The following SH3D19 variants were observed in gnomAD, a reference collection of about 807,000 sequenced individuals.
SH3D19 encodes the protein SH3 domain containing 19.
Under a neutral mutation model 112.1 loss-of-function variants are expected in SH3D19, and 58 were observed. That is an observed-to-expected ratio of 0.52 (90% confidence interval 0.42 to 0.64). The LOEUF is 0.64. SH3D19 is among the 30% of genes least tolerant of loss of function. The pLI is 0.00. For missense variants in SH3D19, 1,090 were observed against 1,263.4 expected, an observed-to-expected ratio of 0.86 and a Z score of 2.08; for synonymous variants, 391 against 448.5, an observed-to-expected ratio of 0.87 and a Z score of 1.62.
Position 151,179,142 on chromosome 4 carries a change from T to C in SH3D19, c.236+213A>G, listed in dbSNP as rs147058086. Among the ~76,000 whole-genome samples, 1,470 of 152,330 alleles carry C rather than the reference T, an allele frequency of 9.7e-3. 8 individuals carry two copies. The highest frequency in any genetic ancestry group is 0.02 in the South Asian group (96 of 4,828). On this transcript the variant is annotated intron_variant, in intron 4 of 19. Transcript: ENST00000604030. ...TAAAAAATCAACTTCAATAAATAAC[T>C]ATACTCAAAAGAACATTTTCAAGCC...
At chr4:151,169,290 G>A (rs1316809978) in intron 7 of SH3D19, among the ~76,000 whole-genome samples, 3 of 151,778 alleles carry the variant, frequency 2.0e-5, no homozygotes, top group East Asian at 3.9e-4. Context: ...ACATGTCTCC[G>A]GGAAAAAAAA....
intron 2 of SH3D19, among the ~76,000 whole-genome samples, chr4:151,210,119 T>A (rs1233875309): frequency 6.6e-6 from 1 of 152,146 alleles, no homozygotes; most frequent in African/African-American, 2.4e-5. Context: ...GATAATTTGG[T>A]AGTATATATG....
intron 1 of SH3D19, among the ~76,000 whole-genome samples, chr4:151,256,019 A>G (rs1160373700): frequency 1.8e-3 from 71 of 40,164 alleles, no homozygotes; most frequent in African/African-American, 3.2e-3. Flanking sequence ...AGAGGGGGAG[A>G]GGGAGAGGGA....
chr4:151,285,110 G>A (rs1774621810), intron 1 of SH3D19, among the ~76,000 whole-genome samples: 1 of 152,152 alleles, frequency 6.6e-6, no homozygotes, highest in South Asian at 2.1e-4. Flanking sequence ...AAAAAAAAGA[G>A]TGTCATTCCT....
chr4:151,148,043 T>C lies in SH3D19; in HGVS notation c.1961A>G (p.Gln654Arg), dbSNP rs555539586. The C allele has an allele frequency of 6.2e-7, 1 of 1,614,190 alleles. No homozygotes were observed. The highest frequency in any genetic ancestry group is 1.7e-5 in the Admixed American group (1 of 60,020). The change falls in exon 11 of 20, where the codon CAG becomes CGG. Residue 654 changes from glutamine to arginine, a missense_variant. Transcript: ENST00000604030. Reference sequence around the variant, plus strand: ...AGTTGCCAAGTTACTTTGTTTTTTCTGAAGATCCATGTCAGAAGAGGATCG... The same window carrying C: ...AGTTGCCAAGTTACTTTGTTTTTTCCGAAGATCCATGTCAGAAGAGGATCG... Reference protein sequence around the residue: ...FNRSSSDMDLQKKQSNLATGL... With the variant: ...FNRSSSDMDLRKKQSNLATGL...
chr4:151,275,092 T>G (rs1359690241), intron 1 of SH3D19, among the ~76,000 whole-genome samples: 1 of 49,616 alleles, frequency 2.0e-5, no homozygotes, highest in Non-Finnish European at 5.2e-5. Flanking sequence ...TCAAGATACG[T>G]TTTTTTTTTT....
intron 1 of SH3D19, among the ~76,000 whole-genome samples, chr4:151,313,219 G>T: frequency 6.6e-6 from 1 of 152,126 alleles, no homozygotes; most frequent in African/African-American, 2.4e-5. Flanking sequence ...AGTTCCCATT[G>T]CTACAGAGGT....
chr4:151,241,798 G>A (rs1770579723), intron 1 of SH3D19, among the ~76,000 whole-genome samples: 2 of 151,920 alleles, frequency 1.3e-5, no homozygotes, highest in African/African-American at 4.9e-5. Flanking sequence ...GAATGGTTGA[G>A]CTGTTCATTT....
At chr4:151,316,358 C>G (rs1344222027) in intron 1 of SH3D19, among the ~76,000 whole-genome samples, 1 of 152,100 alleles carries the variant, frequency 6.6e-6, no homozygotes, top group African/African-American at 2.4e-5. Flanking sequence ...AATACAGTCT[C>G]CTATACGGAA....
intron 1 of SH3D19, among the ~76,000 whole-genome samples, chr4:151,295,245 G>C (rs1208350112): frequency 6.6e-6 from 1 of 152,230 alleles, no homozygotes. Context: ...CTGCTCATGG[G>C]AATATGCAGA....
At chr4:151,142,846 CACCA>C (rs1212272767) in intron 12 of SH3D19, among the ~76,000 whole-genome samples, 1 of 152,076 alleles carries the variant, frequency 6.6e-6, no homozygotes, top group Non-Finnish European at 1.5e-5. Flanking sequence ...ATTTCATTAT[CACCA>C]ATAGCTGCCC....
chr4:151,150,264 T>TAC (rs1554037726), intron 9 of SH3D19, among the ~76,000 whole-genome samples: 7 of 130,620 alleles, frequency 5.4e-5, no homozygotes, highest in East Asian at 2.2e-4. Context: ...CACATATATA[T>TAC]ACATATATAT....
At chr4:151,207,043 T>G (rs1246064364) in intron 2 of SH3D19, among the ~76,000 whole-genome samples, 1 of 152,186 alleles carries the variant, frequency 6.6e-6, no homozygotes, top group Non-Finnish European at 1.5e-5. Flanking sequence ...AGAAAAAACT[T>G]GATTAGCATA....
intron 1 of SH3D19, among the ~76,000 whole-genome samples, chr4:151,275,423 A>C (rs1409175809): frequency 6.6e-6 from 1 of 152,180 alleles, no homozygotes; most frequent in Non-Finnish European, 1.5e-5. Context: ...ATTCAGCTCA[A>C]AACAATAGCT....
intron 14 of SH3D19, among the ~76,000 whole-genome samples, chr4:151,136,035 A>AC (rs1751777926): frequency 1.3e-5 from 2 of 150,750 alleles, no homozygotes; most frequent in African/African-American, 4.9e-5. Context: ...ACAAAACAAA[A>AC]ACAACTTGTG....
intron 1 of SH3D19, among the ~76,000 whole-genome samples, chr4:151,280,259 C>T (rs1774086928): frequency 6.6e-6 from 1 of 152,154 alleles, no homozygotes; most frequent in Admixed American, 6.5e-5. Context: ...GCTCTAAGAG[C>T]CACTGCTGTG....
At chr4:151,144,503 A>G in intron 11 of SH3D19, 1 of 556,948 alleles carries the variant, frequency 1.8e-6, no homozygotes, top group Non-Finnish European at 3.2e-6. Context: ...TAGAACCACA[A>G]GAGCTAAACA....
At chr4:151,267,178 A>T (rs1266756859) in intron 1 of SH3D19, among the ~76,000 whole-genome samples, 1 of 139,302 alleles carries the variant, frequency 7.2e-6, no homozygotes, top group African/African-American at 3.2e-5. Flanking sequence ...AAAAATAAAT[A>T]AAATAAATTA....
chr4:151,204,397 G>C (rs534271076), intron 2 of SH3D19, among the ~76,000 whole-genome samples: 1 of 152,204 alleles, frequency 6.6e-6, no homozygotes, highest in Non-Finnish European at 1.5e-5. Flanking sequence ...CAGGAAGACT[G>C]CTAACTCTTA....
Sources: gnomAD v4.1 joint callset for allele counts (sites outside exome capture counted in the v4.1 genomes callset) on GRCh38, gnomAD v4.1.1 for gene constraint, MANE v1.5 for transcripts, NCBI Gene and HGNC (gene_info 2026-07-23, HGNC 2026-07-21) for gene names.